CCSER1: variants seen among roughly 807,000 people sequenced by gnomAD.
CCSER1 encodes coiled-coil serine rich protein 1, also known as serine-rich coiled-coil domain-containing protein 1.
In CCSER1, 41 loss-of-function variants were observed where a neutral mutation model predicts 82.0. That is an observed-to-expected ratio of 0.50 (90% CI 0.39 to 0.65). CCSER1 has a LOEUF of 0.65. CCSER1 is among the 30% of genes least tolerant of loss of function. The pLI is 0.00. For synonymous variants in CCSER1, 414 were observed against 383.9 expected (o/e 1.08, Z -0.92); for missense variants, 1,119 against 1,064.2 (o/e 1.05, Z -0.72).
intron 10 of CCSER1, among the ~76,000 whole-genome samples, chr4:91,215,987 C>T (rs1356785971): frequency 6.6e-6 from 1 of 152,194 alleles, no homozygotes; most frequent in African/African-American, 2.4e-5. Context: ...TTGATCCTCT[C>T]CCTCTTGTAA....
chr4:91,343,847 A>G (rs1244830807), intron 10 of CCSER1, among the ~76,000 whole-genome samples: 1 of 152,216 alleles, frequency 6.6e-6, no homozygotes, highest in Non-Finnish European at 1.5e-5. Flanking sequence ...GTCTATAGCA[A>G]GTGGTACTGG....
intron 10 of CCSER1, among the ~76,000 whole-genome samples, chr4:91,447,475 C>A (rs901995892): frequency 2.0e-5 from 3 of 152,054 alleles, no homozygotes; most frequent in African/African-American, 7.2e-5. Context: ...CAGAATTGAA[C>A]AAATCACTTC....
chr4:90,306,459 G>T (rs956357159), intron 1 of CCSER1, among the ~76,000 whole-genome samples: 3 of 151,946 alleles, frequency 2.0e-5, no homozygotes, highest in African/African-American at 7.3e-5. Flanking sequence ...ATATACAATT[G>T]TCATCTGTCA....
chr4:90,729,887 A>T (rs1008815919), intron 7 of CCSER1, among the ~76,000 whole-genome samples: 2 of 152,152 alleles, frequency 1.3e-5, no homozygotes, highest in African/African-American at 4.8e-5. Context: ...AAAAATAAAT[A>T]AAAATAAAAT....
chr4:90,875,224 A>G (rs1387510671), intron 8 of CCSER1, among the ~76,000 whole-genome samples: 1 of 152,144 alleles, frequency 6.6e-6, no homozygotes, highest in African/African-American at 2.4e-5. Context: ...TGCACATCAC[A>G]TCAAAGAAAA....
intron 7 of CCSER1, among the ~76,000 whole-genome samples, chr4:90,792,157 C>T (rs1755350741): frequency 6.6e-6 from 1 of 152,066 alleles, no homozygotes; most frequent in South Asian, 2.1e-4. Flanking sequence ...ATCTGTAATT[C>T]CTGCACAGCA....
intron 7 of CCSER1, among the ~76,000 whole-genome samples, chr4:90,805,060 T>A (rs1467733520): frequency 2.8e-5 from 4 of 141,948 alleles, no homozygotes; most frequent in Non-Finnish European, 4.6e-5. Context: ...TATAATGACA[T>A]AATTTACACT....
At chr4:90,349,240 A>T (rs546805420) in intron 3 of CCSER1, among the ~76,000 whole-genome samples, 1 of 152,248 alleles carries the variant, frequency 6.6e-6, no homozygotes, top group Admixed American at 6.5e-5. Context: ...CATATCCTGA[A>T]CTTGTATTTA....
At chr4:91,378,684 T>G (rs1179716633) in intron 10 of CCSER1, among the ~76,000 whole-genome samples, 1 of 152,202 alleles carries the variant, frequency 6.6e-6, no homozygotes, top group Non-Finnish European at 1.5e-5. Flanking sequence ...TATACAATCT[T>G]GTCATCTGCA....
chr4:90,207,141 A>G (rs1172981012), intron 1 of CCSER1, among the ~76,000 whole-genome samples: 2 of 151,536 alleles, frequency 1.3e-5, no homozygotes, highest in Non-Finnish European at 2.9e-5. Flanking sequence ...TCTTTATCCA[A>G]TTTGCCGGTC....
At chr4:91,472,619 G>A (rs1757344893) in intron 10 of CCSER1, among the ~76,000 whole-genome samples, 1 of 152,160 alleles carries the variant, frequency 6.6e-6, no homozygotes, top group Non-Finnish European at 1.5e-5. Context: ...AATAACCACT[G>A]ATATCTTGAG....
chr4:91,444,295 T>C (rs1449519661), intron 10 of CCSER1, among the ~76,000 whole-genome samples: 2 of 152,198 alleles, frequency 1.3e-5, no homozygotes, highest in African/African-American at 2.4e-5. Context: ...AATTGTCCAG[T>C]AGAGCATATT....
intron 4 of CCSER1, among the ~76,000 whole-genome samples, chr4:90,415,021 G>A (rs992942709): frequency 3.9e-5 from 6 of 152,122 alleles, no homozygotes; most frequent in African/African-American, 1.4e-4. Context: ...TGAGGCTATG[G>A]ATAAGGTTAA....
chr4:91,525,657 C>T (rs1760731146), intron 10 of CCSER1, among the ~76,000 whole-genome samples: 1 of 152,230 alleles, frequency 6.6e-6, no homozygotes, highest in Non-Finnish European at 1.5e-5. Flanking sequence ...CCCCTCCTGT[C>T]ATTAGTGTCA....
intron 5 of CCSER1, among the ~76,000 whole-genome samples, chr4:90,570,160 G>A (rs979989905): frequency 1.3e-4 from 20 of 152,178 alleles, no homozygotes; most frequent in African/African-American, 4.6e-4. Flanking sequence ...CAGTATGGGA[G>A]CTGGGCATCC....
At chr4:90,181,524 A>C (rs1274192106) in intron 1 of CCSER1, among the ~76,000 whole-genome samples, 1 of 152,142 alleles carries the variant, frequency 6.6e-6, no homozygotes, top group East Asian at 1.9e-4. Flanking sequence ...GAAAGGGGTA[A>C]AAATAATATT....
intron 5 of CCSER1, among the ~76,000 whole-genome samples, chr4:90,616,728 CACACACACACAAATA>C (rs781719849): frequency 0.051 from 4,828 of 94,774 alleles, 184 homozygotes; most frequent in East Asian, 0.25. Context: ...CACACACACA[CACACACACACAAATA>C]AAATAAAATA....
At chr4:91,296,327 G>GT (rs2149227930) in intron 10 of CCSER1, among the ~76,000 whole-genome samples, 1 of 151,096 alleles carries the variant, frequency 6.6e-6, no homozygotes, top group Non-Finnish European at 1.5e-5. Context: ...GGGAGAAGAA[G>GT]TTAGAATCAA....
chr4:90,667,250 C>G (rs1731958246), intron 6 of CCSER1, among the ~76,000 whole-genome samples: 1 of 152,128 alleles, frequency 6.6e-6, no homozygotes, highest in African/African-American at 2.4e-5. Context: ...CTTCAGATTC[C>G]TCAGCTGCAC....
Sources: allele counts gnomAD v4.1 joint callset (sites outside exome capture counted in the v4.1 genomes callset), GRCh38; gene constraint gnomAD v4.1.1; transcripts MANE v1.5; gene names NCBI Gene and HGNC (gene_info 2026-07-23, HGNC 2026-07-21).